The following ITSN1 variants were observed in gnomAD, a reference collection of about 807,000 sequenced individuals.
The protein encoded by ITSN1 is intersectin-1.
Under a neutral mutation model 239.8 loss-of-function variants are expected in ITSN1, and 58 were observed. The ratio of observed to expected loss-of-function variants is 0.24; its 90% CI spans 0.20 to 0.30. The LOEUF (loss-of-function observed/expected upper bound fraction) is 0.30, where lower values mean the gene tolerates loss of function less well. Among genes scored for constraint, ITSN1 ranks in the 10% least tolerant of loss-of-function variants. ITSN1 has a pLI of 1.00. For missense variants in ITSN1, 1,558 were observed against 2,103.3 expected (o/e 0.74, Z 5.07); for synonymous variants, 780 against 770.8 (o/e 1.01, Z -0.20).
At position 33,671,505 on chromosome 21, in the gene ITSN1, G is replaced by C. The variant is rs559581849; in HGVS notation, c.-33+28792G>C. ...TCACCGCGTTGGTCAGGCTGGTCTT[G>C]ACCTCCTGACCTCAGTGCTGGGATT... On this transcript the variant is annotated intron_variant, in intron 1 of 39. Transcript: ENST00000381318. Among the ~76,000 whole-genome samples, 85 of 151,976 alleles carry C rather than the reference G, an allele frequency of 5.6e-4. 1 individual carries two copies. Among genetic ancestry groups the C allele is most frequent in the Non-Finnish European group, 1.0e-3 (70 of 68,014 alleles).
chr21:33,857,702 T>C (rs1426886885), intron 30 of ITSN1, among the ~76,000 whole-genome samples: 1 of 152,194 alleles, frequency 6.6e-6, no homozygotes, highest in Admixed American at 6.5e-5. Context: ...GAAGCATTGA[T>C]GCAAACTCAA....
At chr21:33,778,427 C>T (rs778414638) in intron 14 of ITSN1, among the ~76,000 whole-genome samples, 16 of 152,040 alleles carry the variant, frequency 1.1e-4, no homozygotes, top group Non-Finnish European at 1.9e-4. Flanking sequence ...TTCTTGAAGA[C>T]TTAATTATAA....
rs1387263667 is a variant in ITSN1, at chr21:33,767,757, C to G, written c.971C>G (p.Ser324Cys). Residue 324 changes from serine (S) to cysteine (C), a missense_variant, in exon 11 of 40, where the codon TCT becomes TGT. Around this residue, in one of 2 missense-constraint regions of ITSN1, gnomAD observed 982 missense variants for 1,209.9 expected, o/e 0.81. Coordinates refer to ENST00000381318, the MANE Select transcript of ITSN1 (RefSeq NM_003024.3). ...GGTATATCTGTCATAAGCTCAACATCTGTAGATCAGAGGCTACCAGAGGAA... is the reference window on the plus strand; with the variant it reads ...GGTATATCTGTCATAAGCTCAACATGTGTAGATCAGAGGCTACCAGAGGAA... Reference protein sequence around the residue: ...GSGISVISSTSVDQRLPEEPV... With the variant: ...GSGISVISSTCVDQRLPEEPV... 1 of 1,613,230 alleles carries G rather than the reference C, an allele frequency of 6.2e-7. No individual in the cohort carries two copies. Among genetic ancestry groups the G allele is most frequent in the Admixed American group, 1.7e-5 (1 of 59,968 alleles).
intron 27 of ITSN1, among the ~76,000 whole-genome samples, chr21:33,831,102 A>T (rs1384530240): frequency 6.6e-6 from 1 of 152,220 alleles, no homozygotes; most frequent in Non-Finnish European, 1.5e-5. Flanking sequence ...GAGGTAAGCC[A>T]GCTGACTTTT....
At chr21:33,873,658 G>C (rs1424614390) in intron 33 of ITSN1, among the ~76,000 whole-genome samples, 1 of 151,886 alleles carries the variant, frequency 6.6e-6, no homozygotes, top group Non-Finnish European at 1.5e-5. Context: ...ATCACTTGAG[G>C]CCAGGAGTTT....
intron 1 of ITSN1, among the ~76,000 whole-genome samples, chr21:33,693,443 G>A (rs911716528): frequency 6.0e-5 from 9 of 149,526 alleles, no homozygotes; most frequent in African/African-American, 2.2e-4. Context: ...TGCAACCTCC[G>A]CCTCCCAGGT....
Position 33,897,846 on chromosome 21 carries a change from C to G in ITSN1, c.*9546C>G, listed in dbSNP as rs1009755932. On this transcript the variant is annotated 3_prime_UTR_variant, in exon 40 of 40. Coordinates refer to ENST00000381318, the MANE Select transcript of ITSN1 (RefSeq NM_003024.3). ...TTAATGAGATTACTTGGGTTCAACT[C>G]AACTAAATTTCTTATATTAAAAAAA... The G allele has an allele frequency of 6.6e-6, 1 of 152,154 alleles. No homozygotes were observed. Among genetic ancestry groups the G allele is most frequent in the Middle Eastern group, 3.4e-3 (1 of 294 alleles). The allele number at this position is 152,154 out of a possible 1,614,324, so 9.4% of individuals were successfully genotyped here. A position where few individuals can be genotyped will look rare whatever the true frequency, so the allele number is the denominator to read the frequency against.
At chr21:33,764,242 G>A (rs1358842183) in intron 9 of ITSN1, among the ~76,000 whole-genome samples, 1 of 152,150 alleles carries the variant, frequency 6.6e-6, no homozygotes, top group African/African-American at 2.4e-5. Flanking sequence ...CTGTTAGAAT[G>A]TTATATTCTG....
intron 1 of ITSN1, among the ~76,000 whole-genome samples, chr21:33,684,281 T>G (rs2091126071): frequency 6.6e-6 from 1 of 152,196 alleles, no homozygotes; most frequent in Non-Finnish European, 1.5e-5. Flanking sequence ...TTGTCAAATG[T>G]CTCAACTCAT....
intron 29 of ITSN1, among the ~76,000 whole-genome samples, chr21:33,847,510 G>A (rs528406807): frequency 2.6e-5 from 4 of 152,226 alleles, no homozygotes; most frequent in African/African-American, 4.8e-5. Context: ...GAAGGTCACC[G>A]TACATCGCTG....
intron 29 of ITSN1, among the ~76,000 whole-genome samples, chr21:33,843,692 A>G (rs907780260): frequency 5.9e-5 from 9 of 152,312 alleles, no homozygotes; most frequent in African/African-American, 2.2e-4. Flanking sequence ...GAGCATCCAC[A>G]TAACTGCATC....
At chr21:33,719,523 GGACATTTCCCTGATAGTCTTTA>G (rs1164795045) in intron 2 of ITSN1, among the ~76,000 whole-genome samples, 3 of 152,144 alleles carry the variant, frequency 2.0e-5, no homozygotes, top group Non-Finnish European at 2.9e-5. Flanking sequence ...TATAGTCTTT[GGACATTTCCCTGATAGTCTTTA>G]GACATTTCTT....
At chr21:33,843,343 AT>A (rs1173793476) in intron 29 of ITSN1, among the ~76,000 whole-genome samples, 1 of 152,124 alleles carries the variant, frequency 6.6e-6, no homozygotes, top group Non-Finnish European at 1.5e-5. Flanking sequence ...TGGGGTTACC[AT>A]GGGAGTTTGG....
intron 1 of ITSN1, among the ~76,000 whole-genome samples, chr21:33,679,961 G>A (rs1214331457): frequency 6.6e-6 from 1 of 152,134 alleles, no homozygotes; most frequent in Non-Finnish European, 1.5e-5. Flanking sequence ...TCCTCCCAAA[G>A]TGCTGGGATT....
chr21:33,720,751 A>G (rs926197942), intron 2 of ITSN1, among the ~76,000 whole-genome samples: 9 of 152,092 alleles, frequency 5.9e-5, no homozygotes, highest in African/African-American at 1.7e-4. Context: ...CCCCCAAAAG[A>G]TTTTCATGGA....
chr21:33,727,607 CAAAAAAAA>C (rs201596116), intron 4 of ITSN1, among the ~76,000 whole-genome samples: 9 of 69,758 alleles, frequency 1.3e-4, no homozygotes, highest in Non-Finnish European at 1.6e-4. Context: ...TAAACTCATA[CAAAAAAAA>C]AAAAAAAAAA....
At chr21:33,823,800 C>G (rs1177920374) in intron 25 of ITSN1, 147 bp downstream of exon 25, 2 of 769,900 alleles carry the variant, frequency 2.6e-6, no homozygotes, top group Non-Finnish European at 4.2e-6. Flanking sequence ...ATTGTTTGAT[C>G]TTGTCATTTG....
chr21:33,769,253 A>G (rs2068937970), intron 11 of ITSN1, among the ~76,000 whole-genome samples: 1 of 152,230 alleles, frequency 6.6e-6, no homozygotes, highest in Non-Finnish European at 1.5e-5. Flanking sequence ...ATTCATTTAA[A>G]ATTTTGAACA....
chr21:33,750,459 C>A, intron 6 of ITSN1, 137 bp downstream of exon 6: 1 of 777,710 alleles, frequency 1.3e-6, no homozygotes, highest in Non-Finnish European at 2.0e-6. Flanking sequence ...TTATTTTTTT[C>A]ACTTGATTTC....
Sources: allele counts gnomAD v4.1 joint callset (sites outside exome capture counted in the v4.1 genomes callset), GRCh38; gene constraint gnomAD v4.1.1; regional missense constraint gnomAD v4.1.1; transcripts MANE v1.5; gene names NCBI Gene and HGNC (gene_info 2026-07-23, HGNC 2026-07-21).